CHRM2: variants seen among roughly 807,000 people sequenced by gnomAD.
CHRM2 encodes cholinergic receptor muscarinic 2.
CHRM2 carries 8 observed loss-of-function variants against 25.0 expected under a neutral mutation model. The observed-to-expected ratio is 0.32, with a 90% CI of 0.19 to 0.58. CHRM2 has a LOEUF of 0.58. Among genes scored for constraint, CHRM2 ranks in the 20% least tolerant of loss-of-function variants. CHRM2 has a pLI of 0.88. For missense variants in CHRM2, 440 were observed against 567.1 expected (o/e 0.78, Z 2.28); for synonymous variants, 202 against 205.7 (o/e 0.98, Z 0.15).
At chr7:136,998,421 G>A (rs1210199847) in intron 3 of CHRM2, among the ~76,000 whole-genome samples, 6 of 152,192 alleles carry the variant, frequency 3.9e-5, no homozygotes, top group African/African-American at 1.4e-4. Flanking sequence ...ACAGGGTACA[G>A]TATTTAGGAA....
At chr7:137,005,392 A>G (rs539818522) in intron 3 of CHRM2, among the ~76,000 whole-genome samples, 1 of 152,264 alleles carries the variant, frequency 6.6e-6, no homozygotes, top group Admixed American at 6.6e-5. Flanking sequence ...CTTAACTATT[A>G]TAAGATATGC....
chr7:136,973,758 G>A (rs1337271060), intron 2 of CHRM2, among the ~76,000 whole-genome samples: 1 of 152,030 alleles, frequency 6.6e-6, no homozygotes. Context: ...TGATGGTGGT[G>A]AAGATGGTAA....
At chr7:136,943,183 G>A (rs1160905685) in intron 2 of CHRM2, among the ~76,000 whole-genome samples, 1 of 152,140 alleles carries the variant, frequency 6.6e-6, no homozygotes, top group Non-Finnish European at 1.5e-5. Flanking sequence ...GCTGTCATCT[G>A]CCTCCTGGTG....
At position 136,914,749 on chromosome 7, in the gene CHRM2, C is replaced by G. The variant is rs576936243; in HGVS notation, c.-125+45331C>G. Among the ~76,000 whole-genome samples the G allele has an allele frequency of 2.0e-4, 30 of 152,032 alleles. 1 individual carries two copies. In the South Asian group the frequency reaches 5.6e-3, roughly 28 times the overall value. Reference sequence around the variant, plus strand: ...AAAATAGGGATGTTAATCAAACCTACCTTATCTCCCATATTGAACCATTCA... The same window carrying G: ...AAAATAGGGATGTTAATCAAACCTAGCTTATCTCCCATATTGAACCATTCA... On this transcript the variant is annotated intron_variant, in intron 2 of 3. Coordinates refer to ENST00000680005, the MANE Select transcript of CHRM2 (RefSeq NM_001006630.2).
intron 2 of CHRM2, among the ~76,000 whole-genome samples, chr7:136,904,027 T>C (rs1381157319): frequency 1.3e-5 from 2 of 151,992 alleles, no homozygotes; most frequent in Non-Finnish European, 2.9e-5. Flanking sequence ...TCTTTTAATG[T>C]ACTATTGAAT....
At chr7:136,880,993 C>T (rs1043970509) in intron 2 of CHRM2, among the ~76,000 whole-genome samples, 1 of 151,384 alleles carries the variant, frequency 6.6e-6, no homozygotes, top group Non-Finnish European at 1.5e-5. Flanking sequence ...TTAACTTTTA[C>T]ATAAGGTCAA....
chr7:136,903,978 T>C (rs931758802), intron 2 of CHRM2, among the ~76,000 whole-genome samples: 56 of 151,976 alleles, frequency 3.7e-4, no homozygotes, highest in African/African-American at 1.3e-3. Context: ...TACTAATACA[T>C]TTCTAAATCC....
chr7:137,012,041 C>A (rs1392347755), intron 3 of CHRM2, among the ~76,000 whole-genome samples: 1 of 151,932 alleles, frequency 6.6e-6, no homozygotes, highest in African/African-American at 2.4e-5. Flanking sequence ...TATCAAAAAT[C>A]TTTTAAAAAC....
intron 2 of CHRM2, among the ~76,000 whole-genome samples, chr7:136,950,386 G>C (rs904802080): frequency 6.6e-6 from 1 of 152,128 alleles, no homozygotes; most frequent in Non-Finnish European, 1.5e-5. Flanking sequence ...CGGGATGGGG[G>C]TGGGAGTGGG....
rs998970659 is a variant in CHRM2 at position 136,876,749 on chromosome 7, G to C, written c.-125+7331G>C. Among the ~76,000 whole-genome samples, 3 of 152,044 alleles carry C rather than the reference G, an allele frequency of 2.0e-5. No individual in the cohort carries two copies. In the East Asian group the frequency reaches 5.8e-4, roughly 29 times the overall value. ...TGTATTTATTGGGCTCAGAAAAACA[G>C]GACCTCTCTTTTCTGAGGCTGAGAA... On this transcript the variant is annotated intron_variant, in intron 2 of 3. Transcript: ENST00000680005.
rs1201292608 is a variant in CHRM2 at position 137,016,047 on chromosome 7, G to A, written c.1182G>A (p.Leu394=). The change falls in exon 4 of 4, where the codon TTG becomes TTA. Residue 394 remains leucine, a synonymous_variant. Coordinates refer to ENST00000680005, the MANE Select transcript of CHRM2 (RefSeq NM_001006630.2). Reference sequence around the variant, plus strand: ...CCAGGACAATCTTGGCTATTCTGTTGGCTTTCATCATCACTTGGGCCCCAT... The same window carrying A: ...CCAGGACAATCTTGGCTATTCTGTTAGCTTTCATCATCACTTGGGCCCCAT... ...KVTRTILAIL[L]AFIITWAPYN... The A allele has an allele frequency of 6.2e-7, 1 of 1,612,702 alleles. No individual in the cohort carries two copies. Among genetic ancestry groups the A allele is most frequent in the Non-Finnish European group, 8.5e-7 (1 of 1,179,302 alleles).
rs757650543 is a variant in CHRM2, at chr7:137,016,034, T to C, written c.1169T>C (p.Leu390Ser). The C allele has an allele frequency of 6.2e-7, 1 of 1,612,934 alleles. No individual in the cohort carries two copies. The highest frequency in any genetic ancestry group is 2.2e-5 in the East Asian group (1 of 44,768). The change falls in exon 4 of 4, where the codon TTG (leucine) becomes TCG (serine). Residue 390 changes from leucine to serine, a missense_variant. This residue lies in a region of CHRM2 where 65 missense variants were observed against 108.9 expected (regional missense o/e 0.60). Transcript: ENST00000680005. ...GAAAAGAAAGTCACCAGGACAATCT[T>C]GGCTATTCTGTTGGCTTTCATCATC... ...SREKKVTRTI[L>S]AILLAFIITW...
chr7:137,001,693 A>G (rs1804046056), intron 3 of CHRM2, among the ~76,000 whole-genome samples: 1 of 152,174 alleles, frequency 6.6e-6, no homozygotes, highest in African/African-American at 2.4e-5. Context: ...AGGACTAGCA[A>G]TACAATAGGT....
intron 2 of CHRM2, chr7:136,902,831 T>A (rs1367086957): frequency 1.1e-4 from 31 of 278,200 alleles, no homozygotes; most frequent in Non-Finnish European, 1.9e-4. Flanking sequence ...CTCAATCAAG[T>A]ACAATTTAAT....
At chr7:136,978,040 G>T (rs1037344762) in intron 2 of CHRM2, among the ~76,000 whole-genome samples, 3 of 151,562 alleles carry the variant, frequency 2.0e-5, no homozygotes, top group African/African-American at 7.3e-5. Context: ...CTTAATATAA[G>T]AAATAGACAC....
intron 2 of CHRM2, among the ~76,000 whole-genome samples, chr7:136,937,845 A>G (rs922406875): frequency 2.6e-5 from 4 of 152,178 alleles, no homozygotes; most frequent in African/African-American, 9.7e-5. Flanking sequence ...GGGAAACAGA[A>G]CTCAAATTTT....
intron 2 of CHRM2, among the ~76,000 whole-genome samples, chr7:136,949,772 CT>C (rs1250069687): frequency 6.7e-6 from 1 of 149,312 alleles, no homozygotes. Context: ...CAGAGTCTTG[CT>C]GTGTTGCCCA....
intron 2 of CHRM2, among the ~76,000 whole-genome samples, chr7:136,942,954 G>A (rs1219872552): frequency 2.6e-5 from 4 of 151,898 alleles, no homozygotes; most frequent in Non-Finnish European, 1.5e-5. Context: ...AATTGCGTAT[G>A]GACTCACATT....
intron 3 of CHRM2, among the ~76,000 whole-genome samples, chr7:137,000,883 A>G (rs944392706): frequency 6.6e-6 from 1 of 152,168 alleles, no homozygotes; most frequent in Non-Finnish European, 1.5e-5. Flanking sequence ...ATATGAAAAT[A>G]TTGTTTGAGT....
Sources: allele counts gnomAD v4.1 joint callset (sites outside exome capture counted in the v4.1 genomes callset), GRCh38; gene constraint gnomAD v4.1.1; regional missense constraint gnomAD v4.1.1; transcripts MANE v1.5; gene names NCBI Gene and HGNC (gene_info 2026-07-23, HGNC 2026-07-21).